GNG4: variants seen among roughly 807,000 people sequenced by gnomAD.
The protein encoded by GNG4 is guanine nucleotide-binding protein G(I)/G(S)/G(O) subunit gamma-4.
GNG4 carries 4 observed loss-of-function variants against 5.8 expected under a neutral mutation model. That is an observed-to-expected ratio of 0.69 (90% CI 0.34 to 1.57). GNG4 has a LOEUF of 1.57. Among genes scored for constraint, GNG4 ranks in the 40% most tolerant of loss-of-function variants. The pLI, the probability that GNG4 is intolerant of heterozygous loss-of-function variation, is 0.06. For missense variants in GNG4, 96 were observed against 95.1 expected, an observed-to-expected ratio of 1.01 and a Z score of -0.04; for synonymous variants, 29 against 32.9, an observed-to-expected ratio of 0.88 and a Z score of 0.41.
intron 1 of GNG4, among the ~76,000 whole-genome samples, chr1:235,637,052 C>T (rs1015976391): frequency 8.4e-5 from 8 of 95,300 alleles, no homozygotes; most frequent in East Asian, 5.4e-4. Flanking sequence ...AGCCAGACTC[C>T]GTCTCAAAAA....
Position 235,550,085 on chromosome 1 carries a change from C to A in GNG4, c.*2024G>T, listed in dbSNP as rs1358378745. On this transcript the variant is annotated 3_prime_UTR_variant, in exon 4 of 4. Transcript: ENST00000391854. ...ATAAACAGAATAGAACAAACTTACA[C>A]AAAGAGCTCTGCTCCCACTGTGTAT... 1 of 152,216 alleles carries A rather than the reference C, an allele frequency of 6.6e-6. No individual in the cohort carries two copies. The highest frequency in any genetic ancestry group is 1.5e-5 in the Non-Finnish European group (1 of 68,044). 9.4% of individuals were successfully genotyped at this position (152,216 alleles called of 1,614,324 possible).
chr1:235,595,058 T>C (rs1311014319), intron 2 of GNG4, among the ~76,000 whole-genome samples: 2 of 151,676 alleles, frequency 1.3e-5, no homozygotes, highest in East Asian at 1.9e-4. Flanking sequence ...TGCAATAGCA[T>C]CTCTTTTCCC....
intron 1 of GNG4, among the ~76,000 whole-genome samples, chr1:235,623,806 G>A (rs1040287107): frequency 6.6e-6 from 1 of 152,184 alleles, no homozygotes; most frequent in African/African-American, 2.4e-5. Flanking sequence ...ACCAGCAGCT[G>A]GGGTAGGAGA....
At chr1:235,576,490 CT>C (rs1687487894) in intron 3 of GNG4, among the ~76,000 whole-genome samples, 1 of 152,154 alleles carries the variant, frequency 6.6e-6, no homozygotes, top group African/African-American at 2.4e-5. Flanking sequence ...TTCATGTGCT[CT>C]TTATTTCTTT....
intron 3 of GNG4, among the ~76,000 whole-genome samples, chr1:235,578,355 G>A (rs1028648510): frequency 6.6e-6 from 1 of 152,160 alleles, no homozygotes; most frequent in East Asian, 1.9e-4. Context: ...AGCCATTTTG[G>A]AAAACTGTGG....
chr1:235,556,710 C>T (rs542900496), intron 3 of GNG4, among the ~76,000 whole-genome samples: 40 of 151,036 alleles, frequency 2.6e-4, no homozygotes, highest in African/African-American at 9.8e-4. Context: ...CAGGAGGATT[C>T]AAGTGCATTA....
chr1:235,640,601 A>G (rs1299337516), intron 1 of GNG4, among the ~76,000 whole-genome samples: 1 of 152,256 alleles, frequency 6.6e-6, no homozygotes, highest in Non-Finnish European at 1.5e-5. Flanking sequence ...CCACGCATCA[A>G]GGCGAATACA....
At chr1:235,559,868 G>A (rs531219805) in intron 3 of GNG4, among the ~76,000 whole-genome samples, 1 of 152,302 alleles carries the variant, frequency 6.6e-6, no homozygotes, top group African/African-American at 2.4e-5. Flanking sequence ...TTGAAAGAGA[G>A]TTGTAATATC....
chr1:235,633,250 C>T (rs1156242896), intron 1 of GNG4, among the ~76,000 whole-genome samples: 1 of 152,118 alleles, frequency 6.6e-6, no homozygotes, highest in African/African-American at 2.4e-5. Flanking sequence ...AGCAGCAGAG[C>T]TGGTGGTATG....
At chr1:235,625,256 G>A (rs528943579) in intron 1 of GNG4, among the ~76,000 whole-genome samples, 5 of 152,026 alleles carry the variant, frequency 3.3e-5, no homozygotes, top group Non-Finnish European at 5.9e-5. Flanking sequence ...CAAACTTCCC[G>A]GCATTTAAAA....
At chr1:235,626,913 T>C (rs1688823608) in intron 1 of GNG4, among the ~76,000 whole-genome samples, 1 of 128,318 alleles carries the variant, frequency 7.8e-6, no homozygotes. Context: ...GAACTGAGAT[T>C]GCATCACTGC....
At chr1:235,581,998 T>C (rs1305433092) in intron 3 of GNG4, among the ~76,000 whole-genome samples, 2 of 152,214 alleles carry the variant, frequency 1.3e-5, no homozygotes, top group Non-Finnish European at 2.9e-5. Context: ...TGGGGCCCAC[T>C]GTCTTTTCAG....
chr1:235,580,847 T>C (rs1687616117), intron 3 of GNG4, among the ~76,000 whole-genome samples: 1 of 144,974 alleles, frequency 6.9e-6, no homozygotes, highest in Admixed American at 7.2e-5. Flanking sequence ...ACCTCCTGGG[T>C]TTAAGTGATT....
intron 2 of GNG4, among the ~76,000 whole-genome samples, chr1:235,594,891 G>C (rs1688084931): frequency 6.6e-6 from 1 of 152,244 alleles, no homozygotes; most frequent in African/African-American, 2.4e-5. Flanking sequence ...CCAGGCAGAG[G>C]AGGCGCCGAG....
At chr1:235,637,525 T>A (rs993098315) in intron 1 of GNG4, among the ~76,000 whole-genome samples, 1 of 152,012 alleles carries the variant, frequency 6.6e-6, no homozygotes, top group East Asian at 1.9e-4. Context: ...CGGTGGCGCG[T>A]GCCTGCAATA....
chr1:235,605,702 G>T (rs1688343186), intron 1 of GNG4, among the ~76,000 whole-genome samples: 1 of 152,102 alleles, frequency 6.6e-6, no homozygotes, highest in African/African-American at 2.4e-5. Flanking sequence ...CCAGGCAGAA[G>T]TCCCATGCAA....
chr1:235,592,249 T>TA (rs2102952532), intron 2 of GNG4, among the ~76,000 whole-genome samples: 1 of 152,292 alleles, frequency 6.6e-6, no homozygotes, highest in East Asian at 1.9e-4. Flanking sequence ...CTCACACTTG[T>TA]AATCCCAGCA....
intron 1 of GNG4, among the ~76,000 whole-genome samples, chr1:235,608,893 A>C (rs1439887030): frequency 6.6e-6 from 1 of 152,114 alleles, no homozygotes; most frequent in Non-Finnish European, 1.5e-5. Flanking sequence ...CATGTTGGCC[A>C]GGCTGATCTG....
chr1:235,648,821 C>T lies in GNG4; in HGVS notation c.-123+841G>A, dbSNP rs978990632. ...GGGGCCGGGGAGACGGTGGGAGGCC[C>T]GGCGTCCATCATCCACTTTATTACT... On this transcript the variant is annotated intron_variant, in intron 1 of 3. Coordinates refer to ENST00000391854, the MANE Select transcript of GNG4 (RefSeq NM_001098722.2). The surrounding 1 kb of genome is among the most constrained non-coding windows in gnomAD (Gnocchi z 5.0). 6.6e-6 allele frequency among the ~76,000 whole-genome samples: 1 copy of T among 152,164 alleles called. No individual in the cohort carries two copies. Among genetic ancestry groups the T allele is most frequent in the Non-Finnish European group, 1.5e-5 (1 of 68,036 alleles).
Sources: gnomAD v4.1 joint callset for allele counts (sites outside exome capture counted in the v4.1 genomes callset) on GRCh38, gnomAD v4.1.1 for gene constraint, Gnocchi (gnomAD v3.1) non-coding constraint, MANE v1.5 for transcripts, NCBI Gene and HGNC (gene_info 2026-07-23, HGNC 2026-07-21) for gene names.